The following LOC400499 variants were observed in gnomAD, a reference collection of about 807,000 sequenced individuals.
At chr16:11,398,194 G>A in the LOC400499 span, among the ~76,000 whole-genome samples, 2 of 152,290 alleles carry the variant, frequency 1.3e-5, no homozygotes, top group Middle Eastern at 3.4e-3. Context: ...GATGTGCACT[G>A]CCCAGTCACC....
the LOC400499 span, among the ~76,000 whole-genome samples, chr16:11,509,463 T>C: frequency 6.6e-6 from 1 of 151,530 alleles, no homozygotes; most frequent in East Asian, 2.0e-4. Context: ...GGACACACCC[T>C]GCCTTGTAAA....
At chr16:11,395,028 G>C in the LOC400499 span, among the ~76,000 whole-genome samples, 239 of 152,334 alleles carry the variant, frequency 1.6e-3, 1 homozygote, top group African/African-American at 5.5e-3. Context: ...GTTGGTAATA[G>C]GGCTACAGCC....
At chr16:11,437,940 C>A in the LOC400499 span, among the ~76,000 whole-genome samples, 1 of 152,130 alleles carries the variant, frequency 6.6e-6, no homozygotes, top group Non-Finnish European at 1.5e-5. Context: ...GGCAACCCAC[C>A]CCCACTCCCC....
chr16:11,401,380 C>T, the LOC400499 span: 2 of 399,868 alleles, frequency 5.0e-6, no homozygotes, highest in Non-Finnish European at 8.8e-6. Context: ...CACTCTTCCC[C>T]AGCCACAGGG....
At chr16:11,383,907 G>T in the LOC400499 span, 2 of 1,232,028 alleles carry the variant, frequency 1.6e-6, no homozygotes, top group South Asian at 8.2e-5. Context: ...AGTCCCTCAA[G>T]CTGGAGTGGG....
At chr16:11,422,499 C>T in the LOC400499 span, among the ~76,000 whole-genome samples, 1 of 152,194 alleles carries the variant, frequency 6.6e-6, no homozygotes, top group Non-Finnish European at 1.5e-5. Flanking sequence ...AAACAAACAG[C>T]AGCAACAGCG....
chr16:11,449,918 T>C, the LOC400499 span, among the ~76,000 whole-genome samples: 26,487 of 152,260 alleles, frequency 0.17, 2,680 homozygotes, highest in Non-Finnish European at 0.23. Flanking sequence ...CAGGCCGCCA[T>C]GCCCTCTGGT....
the LOC400499 span, among the ~76,000 whole-genome samples, chr16:11,415,642 C>T: frequency 2.0e-5 from 3 of 152,198 alleles, no homozygotes; most frequent in Admixed American, 2.0e-4. Flanking sequence ...TGGGAGCACC[C>T]GGCTGTCAGA....
chr16:11,382,874 T>G, the LOC400499 span, among the ~76,000 whole-genome samples: 100 of 152,202 alleles, frequency 6.6e-4, 2 homozygotes, highest in Non-Finnish European at 8.4e-4. Context: ...GACACTTAGC[T>G]TAGTAGGGGG....
the LOC400499 span, among the ~76,000 whole-genome samples, chr16:11,436,230 G>T: frequency 6.6e-6 from 1 of 152,186 alleles, no homozygotes; most frequent in Admixed American, 6.5e-5. Context: ...GAAGGGGGCT[G>T]GTGGGGGAAG....
At chr16:11,387,371 G>A in the LOC400499 span, 25 of 1,162,038 alleles carry the variant, frequency 2.2e-5, no homozygotes, top group Non-Finnish European at 2.6e-5. Context: ...GGAGCTTCTA[G>A]GTCTGCAGGA....
chr16:11,411,654 G>T, the LOC400499 span, among the ~76,000 whole-genome samples: 16 of 152,078 alleles, frequency 1.1e-4, no homozygotes, highest in African/African-American at 3.9e-4. Flanking sequence ...TGGTATCAAG[G>T]GTTAAACATG....
At chr16:11,391,572 A>G in the LOC400499 span, 1 of 1,072,274 alleles carries the variant, frequency 9.3e-7, no homozygotes, top group Non-Finnish European at 1.2e-6. Flanking sequence ...TGATTGAAAC[A>G]GTGCCACAGG....
the LOC400499 span, among the ~76,000 whole-genome samples, chr16:11,518,283 G>T: frequency 6.6e-6 from 1 of 152,218 alleles, no homozygotes; most frequent in African/African-American, 2.4e-5. Flanking sequence ...AACGGAAGAG[G>T]AATCTGCAGA....
the LOC400499 span, chr16:11,425,351 G>A: frequency 4.0e-5 from 16 of 399,284 alleles, no homozygotes; most frequent in Admixed American, 1.3e-4. Flanking sequence ...CGCTGCGCAC[G>A]CTGGTGCCGT....
At chr16:11,410,637 G>A in the LOC400499 span, among the ~76,000 whole-genome samples, 2 of 152,210 alleles carry the variant, frequency 1.3e-5, no homozygotes, top group African/African-American at 2.4e-5. Context: ...AAAACATGGT[G>A]GCTGGTAGGA....
the LOC400499 span, among the ~76,000 whole-genome samples, chr16:11,436,480 G>A: frequency 6.6e-6 from 1 of 152,178 alleles, no homozygotes; most frequent in African/African-American, 2.4e-5. Flanking sequence ...AGGGACGTGA[G>A]CCTATCCCTT....
chr16:11,407,970 GTTTTTTTTTTT>G, the LOC400499 span, among the ~76,000 whole-genome samples: 83 of 63,460 alleles, frequency 1.3e-3, 1 homozygote, highest in South Asian at 0.034. Flanking sequence ...TTCCAGAGCT[GTTTTTTTTTTT>G]TTTTTTTTTT....
At chr16:11,471,975 T>C in the LOC400499 span, 37 of 396,672 alleles carry the variant, frequency 9.3e-5, no homozygotes, top group Non-Finnish European at 1.4e-4. Context: ...CAGTGGTGTG[T>C]AGACCAGGGT....
Sources: allele counts gnomAD v4.1 joint callset (sites outside exome capture counted in the v4.1 genomes callset), GRCh38; gene constraint gnomAD v4.1.1; transcripts MANE v1.5.